Variants in RPS6KA5 observed in about 807,000 individuals in gnomAD.
The protein encoded by RPS6KA5 is ribosomal protein S6 kinase A5.
In RPS6KA5, 27 loss-of-function variants were observed where a neutral mutation model predicts 85.5. The ratio of observed to expected loss-of-function variants is 0.32; its 90% confidence interval spans 0.23 to 0.44. The LOEUF (loss-of-function observed/expected upper bound fraction) is 0.44. RPS6KA5 is among the 20% of genes least tolerant of loss of function. The pLI is 1.00. For synonymous variants in RPS6KA5, 334 were observed against 348.2 expected, an observed-to-expected ratio of 0.96 and a Z score of 0.46; for missense variants, 811 against 980.9, an observed-to-expected ratio of 0.83 and a Z score of 2.31.
intron 5 of RPS6KA5, among the ~76,000 whole-genome samples, chr14:90,930,922 T>G (rs999586788): frequency 2.8e-4 from 43 of 152,210 alleles, no homozygotes; most frequent in Non-Finnish European, 4.4e-5. Context: ...AACCTGGAAC[T>G]TTTTAGCACT....
chr14:90,908,530 C>T (rs1331280771), intron 7 of RPS6KA5, among the ~76,000 whole-genome samples: 13 of 152,064 alleles, frequency 8.5e-5, no homozygotes, highest in Non-Finnish European at 2.9e-5. Flanking sequence ...TCTTGGTAAA[C>T]GGAGTGCCAC....
chr14:91,032,399 A>G lies in RPS6KA5; in HGVS notation c.103+27933T>C, dbSNP rs1271667676. Reference sequence around the variant, plus strand: ...CTTTTTAGTTAAGCCACTGTAGTTGAGTTTTCTTACTTGCAGCTAAACACG... The same window carrying G: ...CTTTTTAGTTAAGCCACTGTAGTTGGGTTTTCTTACTTGCAGCTAAACACG... On this transcript the variant is annotated intron_variant, in intron 1 of 16. Transcript: ENST00000614987. Among the ~76,000 whole-genome samples, 3 of 152,194 alleles carry G rather than the reference A, an allele frequency of 2.0e-5. No homozygotes were observed. In the East Asian group the frequency reaches 5.8e-4, roughly 29 times the overall value.
At chr14:90,943,696 CT>C (rs1450521437) in intron 4 of RPS6KA5, among the ~76,000 whole-genome samples, 1 of 152,136 alleles carries the variant, frequency 6.6e-6, no homozygotes, top group African/African-American at 2.4e-5. Context: ...TACTCTAACT[CT>C]TTTTTTCACT....
chr14:91,040,808 A>G (rs2042579586), intron 1 of RPS6KA5, among the ~76,000 whole-genome samples: 1 of 152,222 alleles, frequency 6.6e-6, no homozygotes, highest in Admixed American at 6.5e-5. Flanking sequence ...AAGTACCAAT[A>G]TCCAAGCACT....
At chr14:90,940,421 T>G (rs1353714453) in intron 5 of RPS6KA5, among the ~76,000 whole-genome samples, 2 of 152,176 alleles carry the variant, frequency 1.3e-5, no homozygotes, top group Admixed American at 1.3e-4. Context: ...TCTCCTCTTG[T>G]GAAGAGTGAC....
chr14:91,017,527 T>A (rs1477937495), intron 1 of RPS6KA5, among the ~76,000 whole-genome samples: 2 of 152,192 alleles, frequency 1.3e-5, no homozygotes, highest in Non-Finnish European at 2.9e-5. Flanking sequence ...TGGAATGGCC[T>A]CTGGAAGACT....
chr14:90,984,338 C>T (rs896062874), intron 2 of RPS6KA5, among the ~76,000 whole-genome samples: 2 of 152,322 alleles, frequency 1.3e-5, no homozygotes, highest in Admixed American at 1.3e-4. Context: ...CAATTCATGG[C>T]CCTACAGACA....
At chr14:90,934,389 A>C (rs2037151633) in intron 5 of RPS6KA5, among the ~76,000 whole-genome samples, 1 of 152,208 alleles carries the variant, frequency 6.6e-6, no homozygotes, top group Non-Finnish European at 1.5e-5. Flanking sequence ...ATTCACATTT[A>C]TGAATTCTTA....
intron 15 of RPS6KA5, 98 bp from the exon 16 acceptor site, chr14:90,873,893 T>C (rs910153582): frequency 1.3e-5 from 14 of 1,042,656 alleles, no homozygotes; most frequent in African/African-American, 3.2e-5. Flanking sequence ...CATGACATAA[T>C]GGTTTCTATA....
intron 1 of RPS6KA5, among the ~76,000 whole-genome samples, chr14:91,017,674 A>T (rs1329269395): frequency 2.6e-5 from 4 of 152,222 alleles, no homozygotes; most frequent in Non-Finnish European, 5.9e-5. Context: ...TTCAGGAATC[A>T]AGGGGTGGAA....
intron 14 of RPS6KA5, among the ~76,000 whole-genome samples, chr14:90,887,224 C>T (rs1285753815): frequency 6.6e-6 from 1 of 152,160 alleles, no homozygotes; most frequent in Non-Finnish European, 1.5e-5. Context: ...CTCTGTCACC[C>T]ACTGTGGAGT....
At chr14:91,039,274 C>G (rs554938499) in intron 1 of RPS6KA5, among the ~76,000 whole-genome samples, 1 of 152,256 alleles carries the variant, frequency 6.6e-6, no homozygotes, top group African/African-American at 2.4e-5. Flanking sequence ...TCTGAGATCC[C>G]AGTGGATATT....
chr14:91,000,717 G>A (rs936743686), intron 2 of RPS6KA5, among the ~76,000 whole-genome samples: 5 of 152,024 alleles, frequency 3.3e-5, no homozygotes, highest in African/African-American at 9.7e-5. Flanking sequence ...CAGGAGAATC[G>A]CTTGAACCCA....
chr14:90,938,786 G>A (rs1329815879), intron 5 of RPS6KA5, among the ~76,000 whole-genome samples: 2 of 152,174 alleles, frequency 1.3e-5, no homozygotes, highest in East Asian at 3.9e-4. Flanking sequence ...CAGCAGAGAG[G>A]CCCTGTGCCC....
intron 1 of RPS6KA5, among the ~76,000 whole-genome samples, chr14:91,007,360 T>C (rs1341826400): frequency 1.3e-5 from 2 of 152,224 alleles, no homozygotes; most frequent in Non-Finnish European, 2.9e-5. Context: ...CAGTTATTTG[T>C]TTCTGGTGTC....
intron 7 of RPS6KA5, among the ~76,000 whole-genome samples, chr14:90,917,272 T>G (rs963181583): frequency 1.3e-5 from 2 of 152,212 alleles, no homozygotes; most frequent in African/African-American, 4.8e-5. Flanking sequence ...CTCACTTAAC[T>G]TTGGCATTAA....
At chr14:90,924,737 T>A (rs2036572977) in intron 5 of RPS6KA5, among the ~76,000 whole-genome samples, 1 of 152,216 alleles carries the variant, frequency 6.6e-6, no homozygotes, top group South Asian at 2.1e-4. Flanking sequence ...TTTTAAGTGA[T>A]TAGCCAATCA....
At chr14:91,060,226 C>G in intron 1 of RPS6KA5, 106 bp downstream of exon 1, 1 of 965,828 alleles carries the variant, frequency 1.0e-6, no homozygotes, top group Non-Finnish European at 1.2e-6. Context: ...CCCGCCCCTC[C>G]GCGCCCACGG....
At chr14:90,977,888 C>T (rs2039633878) in intron 3 of RPS6KA5, among the ~76,000 whole-genome samples, 1 of 152,176 alleles carries the variant, frequency 6.6e-6, no homozygotes. Context: ...AACCCCATCT[C>T]TACTTAAAAT....
Sources: gnomAD v4.1 joint callset for allele counts (sites outside exome capture counted in the v4.1 genomes callset) on GRCh38, gnomAD v4.1.1 for gene constraint, MANE v1.5 for transcripts, NCBI Gene and HGNC (gene_info 2026-07-23, HGNC 2026-07-21) for gene names.